The following ANKH variants were observed in gnomAD, a reference collection of about 807,000 sequenced individuals.
ANKH encodes ANKH inorganic pyrophosphate transport regulator.
A neutral mutation model predicts 49.0 loss-of-function variants in ANKH; 15 were observed. The observed-to-expected ratio is 0.31, with a 90% CI of 0.20 to 0.47. ANKH has a LOEUF of 0.47. ANKH is among the 20% of genes least tolerant of loss of function. ANKH has a pLI of 1.00. For missense variants in ANKH, 429 were observed against 652.0 expected, an observed-to-expected ratio of 0.66 and a Z score of 3.72; for synonymous variants, 273 against 260.0, an observed-to-expected ratio of 1.05 and a Z score of -0.48.
chr5:14,858,477 G>A (rs959593646), intron 1 of ANKH, among the ~76,000 whole-genome samples: 1 of 152,170 alleles, frequency 6.6e-6, no homozygotes, highest in East Asian at 1.9e-4. Flanking sequence ...AACACTTTGG[G>A]AGGCCAAGGG....
intron 1 of ANKH, among the ~76,000 whole-genome samples, chr5:14,841,756 C>T (rs557010376): frequency 2.0e-5 from 3 of 152,160 alleles, no homozygotes; most frequent in Non-Finnish European, 4.4e-5. Flanking sequence ...CCGCCAAGCC[C>T]CCAGCAACCC....
intron 1 of ANKH, chr5:14,798,470 C>T (rs760444512): frequency 7.3e-6 from 9 of 1,226,612 alleles, no homozygotes; most frequent in Admixed American, 2.6e-5. Flanking sequence ...TGCAGGCGTT[C>T]GCTCTGCGCA....
At chr5:14,776,408 T>C (rs1739623163) in intron 1 of ANKH, among the ~76,000 whole-genome samples, 1 of 152,068 alleles carries the variant, frequency 6.6e-6, no homozygotes, top group Non-Finnish European at 1.5e-5. Flanking sequence ...GGCCTACAGA[T>C]AGAATTTAAA....
rs1739333090 is a variant in ANKH, at chr5:14,768,882, G to A, written c.313+93C>T. On this transcript the variant is annotated intron_variant, in intron 2 of 11. Coordinates refer to ENST00000284268, the MANE Select transcript of ANKH (RefSeq NM_054027.6). Reference sequence around the variant, plus strand: ...TAAGAAACATTTGATAATTAGTGAAGAAACCACTTATCTCAATAAATACAT... The same window carrying A: ...TAAGAAACATTTGATAATTAGTGAAAAAACCACTTATCTCAATAAATACAT... The A allele has an allele frequency of 8.0e-6, 11 of 1,370,592 alleles. No homozygotes were observed. In the South Asian group the frequency reaches 1.3e-4, roughly 16 times the overall value. The allele number at this position is 1,370,592 out of a possible 1,614,324, so 84.9% of individuals were successfully genotyped here.
At chr5:14,828,536 AAAAC>A (rs1561073731) in intron 1 of ANKH, among the ~76,000 whole-genome samples, 4 of 152,064 alleles carry the variant, frequency 2.6e-5, no homozygotes, top group African/African-American at 9.7e-5. Context: ...AACAAACAAA[AAAAC>A]AAACAAACAA....
chr5:14,749,541 T>G (rs1012406556), intron 5 of ANKH, among the ~76,000 whole-genome samples: 12 of 152,128 alleles, frequency 7.9e-5, no homozygotes, highest in African/African-American at 2.7e-4. Context: ...AAACACACAC[T>G]GAAGTTTAAT....
intron 1 of ANKH, among the ~76,000 whole-genome samples, chr5:14,851,979 A>T (rs543614664): frequency 6.6e-6 from 1 of 152,366 alleles, no homozygotes; most frequent in African/African-American, 2.4e-5. Flanking sequence ...TAGCTATAAC[A>T]CACTTAAAAA....
intron 2 of ANKH, 113 bp downstream of exon 2, chr5:14,768,862 A>C: frequency 8.3e-7 from 1 of 1,205,332 alleles, no homozygotes; most frequent in Non-Finnish European, 1.2e-6. Context: ...TTTCATAAGA[A>C]ACATTTGATA....
At chr5:14,814,036 C>T (rs1740960870) in intron 1 of ANKH, among the ~76,000 whole-genome samples, 1 of 152,164 alleles carries the variant, frequency 6.6e-6, no homozygotes, top group Admixed American at 6.6e-5. Flanking sequence ...TCCACCTTAT[C>T]CCAGTTCTTC....
chr5:14,805,359 TA>T (rs1215483075), intron 1 of ANKH, among the ~76,000 whole-genome samples: 1 of 150,106 alleles, frequency 6.7e-6, no homozygotes, highest in Non-Finnish European at 1.5e-5. Context: ...TAATACTTAA[TA>T]AACTCCCCTA....
rs1013661658 is a variant in ANKH, at chr5:14,709,549, TATG to T, written c.*1645_*1647del. The T allele has an allele frequency of 2.6e-5, 4 of 152,200 alleles. No individual in the cohort carries two copies. Among genetic ancestry groups the T allele is most frequent in the African/African-American group, 9.6e-5 (4 of 41,454 alleles). 9.4% of individuals were successfully genotyped at this position (152,200 alleles called of 1,614,324 possible). A position where few individuals can be genotyped will look rare whatever the true frequency, so the allele number is the denominator to read the frequency against. ...CATTCTTTTTTGCTGTGAGGAACAA[TATG>T]ATCACACAGCACTGAAAACGGTAGA... On this transcript the variant is annotated 3_prime_UTR_variant, in exon 12 of 12. Coordinates refer to ENST00000284268, the MANE Select transcript of ANKH (RefSeq NM_054027.6).
At chr5:14,841,295 ATTTAT>A (rs1741808337) in intron 1 of ANKH, among the ~76,000 whole-genome samples, 1 of 150,326 alleles carries the variant, frequency 6.7e-6, no homozygotes, top group African/African-American at 2.4e-5. Flanking sequence ...AAAATATAAC[ATTTAT>A]TTTGTTTTTT....
intron 1 of ANKH, among the ~76,000 whole-genome samples, chr5:14,790,699 C>T (rs1167895089): frequency 5.3e-5 from 8 of 152,188 alleles, no homozygotes; most frequent in South Asian, 2.1e-4. Context: ...CCTTCGCTTC[C>T]GGGGTTCGAG....
chr5:14,723,677 T>C (rs973618501), intron 8 of ANKH, among the ~76,000 whole-genome samples: 1 of 152,150 alleles, frequency 6.6e-6, no homozygotes, highest in Non-Finnish European at 1.5e-5. Context: ...AAGATGACGA[T>C]TCATAATTCA....
chr5:14,721,567 C>T (rs182515983), intron 8 of ANKH, among the ~76,000 whole-genome samples: 9 of 152,266 alleles, frequency 5.9e-5, no homozygotes, highest in Non-Finnish European at 7.4e-5. Context: ...AGTTTTTCAA[C>T]GAGTGGATAT....
rs1742137236 is a variant in ANKH at position 14,852,067 on chromosome 5, A to G, written c.96+19285T>C. ...GAGGCTAAGGTGGGAGGACTGCTTG[A>G]GCCCAGGAGTTTGAAACTAGCCTGG... On this transcript the variant is annotated intron_variant, in intron 1 of 11. Coordinates refer to ENST00000284268, the MANE Select transcript of ANKH (RefSeq NM_054027.6). 2.0e-5 allele frequency among the ~76,000 whole-genome samples: 3 copies of G among 152,242 alleles called. No homozygotes were observed. In the South Asian group the frequency reaches 6.2e-4, roughly 32 times the overall value.
Position 14,713,068 on chromosome 5 carries a change from G to C in ANKH, c.1266-95C>G, listed in dbSNP as rs1737298265. The stretch of plus-strand genomic sequence containing the variant: ...CCCAGGAAAGTAAGTGTAGCCTCGA[G>C]ACGGCTGAGACCAGCGGCGTTCTCC... On this transcript the variant is annotated intron_variant, in intron 10 of 11. Coordinates refer to ENST00000284268, the MANE Select transcript of ANKH (RefSeq NM_054027.6). This position sits in a 1 kb window ranked among gnomAD's most constrained non-coding sequence, Gnocchi z 4.4. 1 of 1,199,548 alleles carries C rather than the reference G, an allele frequency of 8.3e-7. No individual in the cohort carries two copies. Among genetic ancestry groups the C allele is most frequent in the Admixed American group, 2.0e-5 (1 of 50,652 alleles). 74.3% of individuals were successfully genotyped at this position (1,199,548 alleles called of 1,614,324 possible). A position where few individuals can be genotyped will look rare whatever the true frequency, so the allele number is the denominator to read the frequency against.
chr5:14,793,015 T>A (rs1450447612), intron 1 of ANKH, among the ~76,000 whole-genome samples: 1 of 63,538 alleles, frequency 1.6e-5, no homozygotes, highest in South Asian at 5.9e-4. Flanking sequence ...TAAATATATA[T>A]ATATAAATAT....
intron 1 of ANKH, among the ~76,000 whole-genome samples, chr5:14,772,775 G>A (rs540355889): frequency 1.6e-4 from 24 of 152,304 alleles, no homozygotes; most frequent in African/African-American, 5.3e-4. Context: ...TCCTTTACCT[G>A]GCAGTGGACC....
Sources: gnomAD v4.1 joint callset for allele counts (sites outside exome capture counted in the v4.1 genomes callset) on GRCh38, gnomAD v4.1.1 for gene constraint, Gnocchi (gnomAD v3.1) non-coding constraint, MANE v1.5 for transcripts, NCBI Gene and HGNC (gene_info 2026-07-23, HGNC 2026-07-21) for gene names.